The following TMCO4 variants were observed in gnomAD, a reference collection of about 807,000 sequenced individuals.
TMCO4 encodes the protein transmembrane and coiled-coil domains 4.
Under a neutral mutation model 64.7 loss-of-function variants are expected in TMCO4, and 58 were observed. That is an observed-to-expected ratio of 0.90 (90% confidence interval 0.73 to 1.12). TMCO4 has a LOEUF of 1.12. Ranked by LOEUF, TMCO4 falls within the 50% of genes most tolerant of loss-of-function variation. The probability of loss-of-function intolerance (pLI) is 0.00; values close to 1 mark genes in which losing one functional copy is unlikely to be tolerated. For synonymous variants in TMCO4, 325 were observed against 346.1 expected (o/e 0.94, Z 0.68); for missense variants, 780 against 825.9 (o/e 0.94, Z 0.68).
intron 13 of TMCO4, among the ~76,000 whole-genome samples, chr1:19,736,964 T>C (rs758024482): frequency 2.0e-5 from 3 of 152,182 alleles, no homozygotes; most frequent in Non-Finnish European, 4.4e-5. Context: ...TGGAATGACA[T>C]GTCTACAAGC....
At chr1:19,769,347 G>A (rs571602235) in intron 6 of TMCO4, among the ~76,000 whole-genome samples, 3 of 152,268 alleles carry the variant, frequency 2.0e-5, no homozygotes, top group Admixed American at 1.3e-4. Context: ...CCTTGCTGAA[G>A]CCGGCCATCT....
intron 13 of TMCO4, among the ~76,000 whole-genome samples, chr1:19,719,576 T>A (rs2095372148): frequency 1.3e-5 from 2 of 152,236 alleles, no homozygotes; most frequent in African/African-American, 4.8e-5. Flanking sequence ...TCACCCAGGC[T>A]AGAGTACAGT....
intron 4 of TMCO4, among the ~76,000 whole-genome samples, chr1:19,775,177 G>A (rs2043154043): frequency 6.6e-6 from 1 of 152,118 alleles, no homozygotes; most frequent in Non-Finnish European, 1.5e-5. Flanking sequence ...CGATTCTCCT[G>A]CCTCAGCCTC....
chr1:19,710,383 GATTCCATCGCACCTGGCTGGA>G (rs1231865421), intron 13 of TMCO4, among the ~76,000 whole-genome samples: 1 of 152,022 alleles, frequency 6.6e-6, no homozygotes, highest in African/African-American at 2.4e-5. Flanking sequence ...AAAGTGCTGG[GATTCCATCGCACCTGGCTGGA>G]ATTCCATTTC....
chr1:19,783,534 G>A (rs1432590871), intron 3 of TMCO4, among the ~76,000 whole-genome samples: 1 of 152,170 alleles, frequency 6.6e-6, no homozygotes, highest in Non-Finnish European at 1.5e-5. Flanking sequence ...CAACCCTGAG[G>A]TAGTTCAAAG....
At chr1:19,738,933 C>T (rs2095467598) in intron 12 of TMCO4, among the ~76,000 whole-genome samples, 1 of 152,220 alleles carries the variant, frequency 6.6e-6, no homozygotes, top group Non-Finnish European at 1.5e-5. Flanking sequence ...GCTGTTTCTT[C>T]TTCAGTTCTT....
chr1:19,704,062 A>G (rs925033293), intron 13 of TMCO4, among the ~76,000 whole-genome samples: 6 of 152,186 alleles, frequency 3.9e-5, no homozygotes, highest in African/African-American at 1.2e-4. Context: ...TTGGGCTTCC[A>G]TGTCAGAGTT....
At chr1:19,710,454 A>G (rs549027985) in intron 13 of TMCO4, among the ~76,000 whole-genome samples, 32 of 151,922 alleles carry the variant, frequency 2.1e-4, no homozygotes, top group Non-Finnish European at 2.9e-5. Flanking sequence ...TATCATCATC[A>G]TCTCAGTTTA....
chr1:19,766,522 G>T (rs1188885041), intron 6 of TMCO4, among the ~76,000 whole-genome samples: 1 of 152,156 alleles, frequency 6.6e-6, no homozygotes, highest in Non-Finnish European at 1.5e-5. Context: ...GAAAATCCAG[G>T]TTCCCTGACT....
At position 19,746,450 on chromosome 1, in the gene TMCO4, C is replaced by T. The variant is rs760042015; in HGVS notation, c.757+6G>A. On this transcript the variant is annotated splice_donor_region_variant and intron_variant, in intron 9 of 15. Coordinates refer to ENST00000294543, the MANE Select transcript of TMCO4 (RefSeq NM_181719.7). ...CTCTGAACCCATCATTCCTTTTGAA[C>T]CTTACCTGTCAGGCCAGCTCCAGCT... 3.1e-6 allele frequency: 5 copies of T among 1,613,182 alleles called. No individual in the cohort carries two copies. The highest frequency in any genetic ancestry group is 1.7e-5 in the Admixed American group (1 of 59,902).
intron 2 of TMCO4, among the ~76,000 whole-genome samples, chr1:19,792,765 ATTTTTTTTT>A (rs71579823): frequency 6.7e-5 from 6 of 89,648 alleles, no homozygotes; most frequent in Admixed American, 3.0e-4. Flanking sequence ...GTCAAGGTCA[ATTTTTTTTT>A]TTTTTTTTTT....
chr1:19,767,730 A>G (rs1570959289), intron 6 of TMCO4, among the ~76,000 whole-genome samples: 1 of 151,990 alleles, frequency 6.6e-6, no homozygotes, highest in Non-Finnish European at 1.5e-5. Context: ...CTCCCAGTCT[A>G]CCTCTGCTGC....
intron 14 of TMCO4, among the ~76,000 whole-genome samples, chr1:19,699,515 T>TATA (rs1557469830): frequency 2.2e-5 from 3 of 133,408 alleles, no homozygotes; most frequent in Non-Finnish European, 3.2e-5. Context: ...ATATATATAT[T>TATA]GAGATGGAGT....
chr1:19,695,934 C>T (rs1252823855), intron 14 of TMCO4, among the ~76,000 whole-genome samples: 1 of 152,126 alleles, frequency 6.6e-6, no homozygotes, highest in Non-Finnish European at 1.5e-5. Context: ...GTATCAGAGT[C>T]CTCCCAGTTC....
chr1:19,718,131 A>T (rs1028229730), intron 13 of TMCO4, among the ~76,000 whole-genome samples: 2 of 151,918 alleles, frequency 1.3e-5, no homozygotes, highest in African/African-American at 2.4e-5. Context: ...TCAGGAGTTC[A>T]AGACCAGCCT....
intron 14 of TMCO4, among the ~76,000 whole-genome samples, chr1:19,699,378 G>A (rs1303591873): frequency 6.6e-6 from 1 of 151,558 alleles, no homozygotes; most frequent in East Asian, 1.9e-4. Flanking sequence ...CTGAATTCAG[G>A]GAAGTTGTTT....
Position 19,743,606 on chromosome 1 carries a change from G to C in TMCO4, c.877+1926C>G, listed in dbSNP as rs2041630072. On this transcript the variant is annotated intron_variant, in intron 10 of 15. Transcript: ENST00000294543. This position sits in a 1 kb window ranked among gnomAD's most constrained non-coding sequence, Gnocchi z 4.1. ...CCAAATGAACTTGACCTTTAACCCG[G>C]GGCAAACTGAACAAATAGGGGCAAA... 6.6e-6 allele frequency among the ~76,000 whole-genome samples: 1 copy of C among 152,062 alleles called. No homozygotes were observed. The highest frequency in any genetic ancestry group is 2.1e-4 in the South Asian group (1 of 4,806).
intron 2 of TMCO4, among the ~76,000 whole-genome samples, chr1:19,788,297 T>A (rs1359954744): frequency 6.6e-6 from 1 of 152,220 alleles, no homozygotes; most frequent in African/African-American, 2.4e-5. Flanking sequence ...ATCTCTGAAT[T>A]GCCATTTACA....
chr1:19,784,495 C>T (rs553811867), intron 3 of TMCO4, among the ~76,000 whole-genome samples: 1 of 152,268 alleles, frequency 6.6e-6, no homozygotes, highest in Non-Finnish European at 1.5e-5. Context: ...GATTGTGCCA[C>T]TGCACTCCAG....
Sources: gnomAD v4.1 joint callset for allele counts (sites outside exome capture counted in the v4.1 genomes callset) on GRCh38, gnomAD v4.1.1 for gene constraint, Gnocchi (gnomAD v3.1) non-coding constraint, MANE v1.5 for transcripts, NCBI Gene and HGNC (gene_info 2026-07-23, HGNC 2026-07-21) for gene names.